Variants in NBR1 observed in about 807,000 individuals in gnomAD.
NBR1 encodes the protein NBR1 autophagy cargo receptor.
In NBR1, 59 loss-of-function variants were observed where a neutral mutation model predicts 115.5. That is an observed-to-expected ratio of 0.51 (90% CI 0.41 to 0.63). The LOEUF is 0.63. Ranked by LOEUF, NBR1 falls within the 30% of genes least tolerant of loss-of-function variation. The probability of loss-of-function intolerance (pLI) is 0.00; values close to 1 mark genes in which losing one functional copy is unlikely to be tolerated. For missense variants in NBR1, 1,043 were observed against 1,150.5 expected, an observed-to-expected ratio of 0.91 and a Z score of 1.35; for synonymous variants, 373 against 414.7, an observed-to-expected ratio of 0.90 and a Z score of 1.22.
At chr17:43,177,306 T>G (rs552731785) in intron 2 of NBR1, among the ~76,000 whole-genome samples, 2 of 149,764 alleles carry the variant, frequency 1.3e-5, no homozygotes, top group African/African-American at 4.9e-5. Context: ...TTCGTTTTTT[T>G]TTTTTCTTAT....
chr17:43,186,478 G>A (rs370767603), intron 6 of NBR1, 34 bp downstream of exon 6: 123 of 1,409,116 alleles, frequency 8.7e-5, no homozygotes, highest in Non-Finnish European at 1.1e-4. Context: ...ATCCAATATC[G>A]TTTCTTTTTT....
intron 1 of NBR1, among the ~76,000 whole-genome samples, chr17:43,172,135 C>T (rs1421622438): frequency 1.3e-5 from 2 of 152,136 alleles, no homozygotes; most frequent in Non-Finnish European, 2.9e-5. Context: ...ACAATAATGC[C>T]AGTTATGAAA....
At chr17:43,174,514 C>T (rs938592944) in intron 1 of NBR1, among the ~76,000 whole-genome samples, 1 of 152,080 alleles carries the variant, frequency 6.6e-6, no homozygotes, top group African/African-American at 2.4e-5. Flanking sequence ...GAGAGAATCG[C>T]TTGAAACCAG....
At chr17:43,186,149 T>C in intron 5 of NBR1, 101 bp from the exon 6 acceptor site, 2 of 989,092 alleles carry the variant, frequency 2.0e-6, no homozygotes, top group Non-Finnish European at 2.9e-6. Context: ...TAGTATTTTC[T>C]AGCATAACTT....
chr17:43,200,279 G>T lies in NBR1; in HGVS notation c.2139G>T (p.Glu713Asp), dbSNP rs2057167218. ...AGGAGGATGAGGAGGATGAGGAGGA[G>T]GAGGATGAGCTCAAAGATGAAGTTC... is the stretch of plus-strand genomic sequence containing the variant. ...EEEEDEEDEE[E>D]EDELKDEVQS... Residue 713 changes from glutamate to aspartate, a missense_variant, in exon 17 of 21, where the codon GAG becomes GAT. By Grantham distance (45) the Glu-to-Asp change is conservative. Transcript: ENST00000590996. 4 of 1,551,860 alleles carry T rather than the reference G, an allele frequency of 2.6e-6. No homozygotes were observed. The highest frequency in any genetic ancestry group is 3.5e-6 in the Non-Finnish European group (4 of 1,147,016).
chr17:43,182,032 T>C lies in NBR1; in HGVS notation c.207+1215T>C, dbSNP rs536895342. 9.3e-5 allele frequency among the ~76,000 whole-genome samples: 14 copies of C among 151,244 alleles called. 1 individual carries two copies. The highest frequency in any genetic ancestry group is 3.4e-4 in the African/African-American group (14 of 40,952). On this transcript the variant is annotated intron_variant, in intron 5 of 20. Coordinates refer to ENST00000590996, the MANE Select transcript of NBR1 (RefSeq NM_005899.5). ...ACTCTTGATGCCCCCCTTTTTTTTT[T>C]CCTAAAGAGGCTGGGTCTTGCTATG...
At chr17:43,195,383 G>T in intron 14 of NBR1, 1 of 283,486 alleles carries the variant, frequency 3.5e-6, no homozygotes, top group Non-Finnish European at 6.7e-6. Flanking sequence ...CAGGCACGGT[G>T]GCTCACGCCT....
Position 43,193,981 on chromosome 17 carries a change from T to C in NBR1, c.1524+343T>C, listed in dbSNP as rs138229749. The stretch of plus-strand genomic sequence containing the variant: ...TTTACTCCTTAACATCCATCTCTCC[T>C]GAAATACCCTGTGTATGTTCCCTAA... On this transcript the variant is annotated intron_variant, in intron 12 of 20. Coordinates refer to ENST00000590996, the MANE Select transcript of NBR1 (RefSeq NM_005899.5). Among the ~76,000 whole-genome samples the C allele has an allele frequency of 6.6e-4, 101 of 152,320 alleles. No homozygotes were observed. In the Middle Eastern group the frequency reaches 0.014, roughly 21 times the overall value.
intron 1 of NBR1, among the ~76,000 whole-genome samples, chr17:43,172,079 A>G (rs1041187576): frequency 6.6e-6 from 1 of 152,192 alleles, no homozygotes; most frequent in African/African-American, 2.4e-5. Flanking sequence ...GACGTGGAGG[A>G]AAAGCTAACT....
intron 10 of NBR1, 139 bp from the exon 11 acceptor site, chr17:43,192,955 T>C: frequency 1.4e-6 from 1 of 733,258 alleles, no homozygotes; most frequent in Non-Finnish European, 2.2e-6. Context: ...GGTCCTATAC[T>C]AGTAATATCA....
intron 6 of NBR1, 98 bp from the exon 7 acceptor site, chr17:43,188,944 A>G (rs2056880949): frequency 1.2e-6 from 1 of 846,836 alleles, no homozygotes; most frequent in East Asian, 2.5e-5. Context: ...ATATACTTGT[A>G]TGATTTCACA....
At position 43,189,584 on chromosome 17, in the gene NBR1, C is replaced by T. The variant is rs2056895159; in HGVS notation, c.481-4C>T. On this transcript the variant is annotated splice_region_variant and splice_polypyrimidine_tract_variant and intron_variant, in intron 7 of 20. Coordinates refer to ENST00000590996, the MANE Select transcript of NBR1 (RefSeq NM_005899.5). ...TTTTCCCTACCTTCTGCTCCATATTCTAGTTCAGAGAACAAGTGGTTAACG... is the reference window on the plus strand; with the variant it reads ...TTTTCCCTACCTTCTGCTCCATATTTTAGTTCAGAGAACAAGTGGTTAACG... The T allele has an allele frequency of 6.2e-7, 1 of 1,610,942 alleles. No individual in the cohort carries two copies. The highest frequency in any genetic ancestry group is 1.3e-5 in the African/African-American group (1 of 74,814).
intron 2 of NBR1, 38 bp downstream of exon 2, chr17:43,175,939 C>A: frequency 1.7e-6 from 2 of 1,204,728 alleles, no homozygotes; most frequent in Non-Finnish European, 2.4e-6. Context: ...TTGGTTTAAG[C>A]ATGGTTATTT....
At position 43,200,353 on chromosome 17, in the gene NBR1, A is replaced by G; in HGVS notation, c.2213A>G (p.Glu738Gly). ...SSEDYIIILP[E>G]CFDTSRPLGD... is the part of the protein sequence containing the mutation. The stretch of plus-strand genomic sequence containing the variant: ...GAGGATTACATCATCATCCTGCCTG[A>G]GTGCTTTGATACCAGCCGCCCCCTG... The change falls in exon 17 of 21, where the codon GAG becomes GGG. Residue 738 changes from glutamate to glycine, a missense_variant. Coordinates refer to ENST00000590996, the MANE Select transcript of NBR1 (RefSeq NM_005899.5). The G allele has an allele frequency of 6.4e-7, 1 of 1,557,776 alleles. No individual in the cohort carries two copies. Among genetic ancestry groups the G allele is most frequent in the Non-Finnish European group, 8.7e-7 (1 of 1,150,520 alleles).
At chr17:43,199,849 A>G (rs1321060525) in intron 16 of NBR1, among the ~76,000 whole-genome samples, 1 of 151,950 alleles carries the variant, frequency 6.6e-6, no homozygotes, top group African/African-American at 2.4e-5. Context: ...TTTGGTTTAA[A>G]CTCTACTCAG....
At position 43,211,445 on chromosome 17, in the gene NBR1, TTAAA is replaced by T. The variant is rs1194451680; in HGVS notation, c.*1376_*1379del. On this transcript the variant is annotated 3_prime_UTR_variant, in exon 21 of 21. Transcript: ENST00000590996. ...TTACAGTATAACTCCTGAATGCTAC[TTAAA>T]TAAACCAGGATTCAAACTGCAAGCC... 1 of 152,666 alleles carries T rather than the reference TTAAA, an allele frequency of 6.6e-6. No individual in the cohort carries two copies. The highest frequency in any genetic ancestry group is 2.4e-5 in the African/African-American group (1 of 41,446). The allele number at this position is 152,666 out of a possible 1,614,324, so 9.5% of individuals were successfully genotyped here.
chr17:43,192,510 A>G (rs920030842), intron 10 of NBR1, among the ~76,000 whole-genome samples: 6 of 152,034 alleles, frequency 3.9e-5, no homozygotes, highest in East Asian at 3.9e-4. Flanking sequence ...CTGGGACTAC[A>G]GGTGCCCGCC....
intron 1 of NBR1, among the ~76,000 whole-genome samples, chr17:43,172,543 C>G (rs932644307): frequency 6.6e-5 from 10 of 152,060 alleles, no homozygotes; most frequent in Non-Finnish European, 1.5e-4. Flanking sequence ...GCCTAAGGTC[C>G]TGGGGAATTG....
At chr17:43,190,066 G>A (rs1167725807) in intron 8 of NBR1, 9 of 466,800 alleles carry the variant, frequency 1.9e-5, no homozygotes, top group Non-Finnish European at 3.1e-5. Flanking sequence ...AGATCACTAA[G>A]GGTAGTTCCT....
Sources: allele counts gnomAD v4.1 joint callset (sites outside exome capture counted in the v4.1 genomes callset), GRCh38; gene constraint gnomAD v4.1.1; transcripts MANE v1.5; gene names NCBI Gene and HGNC (gene_info 2026-07-23, HGNC 2026-07-21).